CEP128: variants seen among roughly 807,000 people sequenced by gnomAD.
CEP128 encodes the protein centrosomal protein 128, also known as centrosomal protein 128kDa.
Under a neutral mutation model 156.7 loss-of-function variants are expected in CEP128, and 132 were observed. The ratio of observed to expected loss-of-function variants is 0.84; its 90% confidence interval spans 0.73 to 0.97. The LOEUF (loss-of-function observed/expected upper bound fraction) is 0.97. Among genes scored for constraint, CEP128 ranks in the 50% least tolerant of loss-of-function variants. The probability of loss-of-function intolerance (pLI) is 0.00; values close to 1 mark genes in which losing one functional copy is unlikely to be tolerated. For synonymous variants in CEP128, 469 were observed against 448.9 expected (o/e 1.04, Z -0.57); for missense variants, 1,252 against 1,281.9 (o/e 0.98, Z 0.36).
chr14:80,689,707 C>T (rs776005180), intron 19 of CEP128, among the ~76,000 whole-genome samples: 16 of 152,076 alleles, frequency 1.1e-4, no homozygotes, highest in Admixed American at 2.6e-4. Context: ...TATACATAGA[C>T]GCACATGTAT....
At chr14:80,939,110 T>C (rs1311084090) in intron 2 of CEP128, among the ~76,000 whole-genome samples, 1 of 152,232 alleles carries the variant, frequency 6.6e-6, no homozygotes, top group African/African-American at 2.4e-5. Flanking sequence ...TCTGACAGAA[T>C]GCCTGAGACA....
rs140435226 is a variant in CEP128, at chr14:80,548,093, C to T, written c.2880+11186G>A. ...GGGATTACAGGTGTGAGCCACTGCG[C>T]CCAGCTGGGAGAGGAACTTTTAAAG... On this transcript the variant is annotated intron_variant, in intron 21 of 24. Coordinates refer to ENST00000555265, the MANE Select transcript of CEP128 (RefSeq NM_152446.5). Among the ~76,000 whole-genome samples, 6 of 152,180 alleles carry T rather than the reference C, an allele frequency of 3.9e-5. No individual in the cohort carries two copies. In the East Asian group the frequency reaches 1.2e-3, roughly 29 times the overall value.
intron 19 of CEP128, among the ~76,000 whole-genome samples, chr14:80,732,440 TGAA>T (rs1465100386): frequency 6.6e-6 from 1 of 150,614 alleles, no homozygotes; most frequent in Non-Finnish European, 1.5e-5. Context: ...CTGTGTTAAA[TGAA>T]GATTCATCTG....
chr14:80,675,067 G>A lies in CEP128; in HGVS notation c.2806+68008C>T, dbSNP rs947856593. ...TTTGCTTTAATTGCACAATCACCTC[G>A]TCCTTTTTAACCTCTCCTATTCCCA... On this transcript the variant is annotated intron_variant, in intron 19 of 24. Coordinates refer to ENST00000555265, the MANE Select transcript of CEP128 (RefSeq NM_152446.5). Among the ~76,000 whole-genome samples the A allele has an allele frequency of 5.9e-5, 9 of 151,968 alleles. No homozygotes were observed. In the East Asian group the frequency reaches 1.2e-3, roughly 19 times the overall value.
chr14:80,870,144 C>T (rs1056138048), intron 8 of CEP128, among the ~76,000 whole-genome samples: 3 of 151,960 alleles, frequency 2.0e-5, no homozygotes, highest in Admixed American at 2.0e-4. Context: ...AACCTGATTA[C>T]TTCACAGGTA....
At chr14:80,488,597 C>T (rs1454486855), downstream of CEP128, among the ~76,000 whole-genome samples, 3 of 151,942 alleles carry the variant, frequency 2.0e-5, no homozygotes, top group African/African-American at 4.8e-5. Context: ...GGATCTAGAA[C>T]TAGAAATACG....
chr14:80,535,443 C>T (rs1889439851), intron 21 of CEP128, among the ~76,000 whole-genome samples: 1 of 152,220 alleles, frequency 6.6e-6, no homozygotes, highest in African/African-American at 2.4e-5. Flanking sequence ...TAGCTATCAA[C>T]TCTTAGCAGC....
chr14:80,660,828 T>C (rs1406421522), intron 19 of CEP128, among the ~76,000 whole-genome samples: 3 of 152,210 alleles, frequency 2.0e-5, no homozygotes, highest in African/African-American at 4.8e-5. Context: ...ATCCTGTCTC[T>C]TCAGCACATT....
At chr14:80,769,379 T>C (rs2059280561) in intron 16 of CEP128, among the ~76,000 whole-genome samples, 1 of 151,698 alleles carries the variant, frequency 6.6e-6, no homozygotes, top group Admixed American at 6.6e-5. Flanking sequence ...GATGTACCCA[T>C]TAACTCGTCA....
At chr14:80,510,818 T>A (rs1888210640) in intron 23 of CEP128, among the ~76,000 whole-genome samples, 3 of 151,958 alleles carry the variant, frequency 2.0e-5, no homozygotes, top group Non-Finnish European at 2.9e-5. Flanking sequence ...GTTTTTTTTT[T>A]ATCATGAAGG....
intron 19 of CEP128, among the ~76,000 whole-genome samples, chr14:80,631,995 G>T (rs551064092): frequency 3.7e-4 from 56 of 152,084 alleles, no homozygotes; most frequent in African/African-American, 1.1e-3. Context: ...TGACTCTAAA[G>T]TCCATATTAC....
At chr14:80,798,527 G>T (rs1386638559) in intron 13 of CEP128, among the ~76,000 whole-genome samples, 1 of 152,132 alleles carries the variant, frequency 6.6e-6, no homozygotes, top group African/African-American at 2.4e-5. Flanking sequence ...AGTCACTTGG[G>T]CACCATCTAC....
intron 19 of CEP128, among the ~76,000 whole-genome samples, chr14:80,621,893 AGTG>A (rs1893494636): frequency 6.6e-6 from 1 of 152,138 alleles, no homozygotes; most frequent in Non-Finnish European, 1.5e-5. Flanking sequence ...AATTCCTGTT[AGTG>A]ACTGTTATGA....
intron 22 of CEP128, among the ~76,000 whole-genome samples, chr14:80,527,769 C>T (rs189053606): frequency 5.9e-5 from 9 of 152,202 alleles, no homozygotes; most frequent in African/African-American, 1.4e-4. Context: ...ACTATTATGT[C>T]GCATAGATTT....
chr14:80,646,917 C>T (rs1322655139), intron 19 of CEP128, among the ~76,000 whole-genome samples: 1 of 149,356 alleles, frequency 6.7e-6, no homozygotes, highest in East Asian at 2.0e-4. Flanking sequence ...ATCTTTCACA[C>T]TTTAAAAAAT....
chr14:80,691,973 T>C (rs969361211), intron 19 of CEP128, among the ~76,000 whole-genome samples: 3 of 152,094 alleles, frequency 2.0e-5, no homozygotes, highest in Admixed American at 6.6e-5. Context: ...ATCAAGTAAG[T>C]AGGACACTCC....
chr14:80,769,725 A>G (rs1310674145), intron 16 of CEP128, among the ~76,000 whole-genome samples: 2 of 152,224 alleles, frequency 1.3e-5, no homozygotes, highest in African/African-American at 4.8e-5. Context: ...TAACCTGTAT[A>G]TAACAAGCAC....
intron 1 of CEP128, among the ~76,000 whole-genome samples, chr14:80,939,997 A>G (rs17111237): frequency 0.16 from 23,750 of 152,204 alleles, 2,177 homozygotes; most frequent in Admixed American, 0.22. Context: ...ACAATTAAAT[A>G]AATAAGAATA....
chr14:80,538,594 C>T (rs192632984), intron 21 of CEP128, among the ~76,000 whole-genome samples: 90 of 152,316 alleles, frequency 5.9e-4, no homozygotes, highest in East Asian at 1.9e-3. Flanking sequence ...CTATCCATCA[C>T]TCTGTCTATC....
Sources: gnomAD v4.1 joint callset for allele counts (sites outside exome capture counted in the v4.1 genomes callset) on GRCh38, gnomAD v4.1.1 for gene constraint, MANE v1.5 for transcripts, NCBI Gene and HGNC (gene_info 2026-07-23, HGNC 2026-07-21) for gene names.